The following HTR4 variants were observed in gnomAD, a reference collection of about 807,000 sequenced individuals.
HTR4 encodes 5-hydroxytryptamine receptor 4.
Under a neutral mutation model 36.8 loss-of-function variants are expected in HTR4, and 16 were observed. The ratio of observed to expected loss-of-function variants is 0.43; its 90% CI spans 0.29 to 0.66. The LOEUF is 0.66. Ranked by LOEUF, HTR4 falls within the 30% of genes least tolerant of loss-of-function variation. The pLI is 0.13. For missense variants in HTR4, 438 were observed against 490.9 expected, an observed-to-expected ratio of 0.89 and a Z score of 1.02; for synonymous variants, 189 against 185.1, an observed-to-expected ratio of 1.02 and a Z score of -0.17.
chr5:148,451,410 G>C, intron 5 of HTR4: 1 of 1,443,690 alleles, frequency 6.9e-7, no homozygotes, highest in South Asian at 1.3e-5. Context: ...TGGGGATGGG[G>C]TGATACTTCA....
At chr5:148,550,393 G>A (rs1049083715) in intron 2 of HTR4, 131 bp from the exon 3 acceptor site, 57 of 1,003,474 alleles carry the variant, frequency 5.7e-5, no homozygotes, top group East Asian at 3.1e-4. Flanking sequence ...TTTATCATGC[G>A]TTTAATGTAC....
At chr5:148,582,497 C>A (rs1761177097) in intron 2 of HTR4, among the ~76,000 whole-genome samples, 1 of 151,944 alleles carries the variant, frequency 6.6e-6, no homozygotes, top group South Asian at 2.1e-4. Context: ...GTGTCTATTG[C>A]CATCTTCATG....
chr5:148,458,648 G>A (rs186721351), intron 5 of HTR4, among the ~76,000 whole-genome samples: 29 of 152,248 alleles, frequency 1.9e-4, no homozygotes, highest in Non-Finnish European at 4.4e-5. Flanking sequence ...AGGGTGGGGA[G>A]GATGCAGGCA....
intron 2 of HTR4, among the ~76,000 whole-genome samples, chr5:148,630,890 G>T (rs527531723): frequency 3.9e-5 from 6 of 152,118 alleles, no homozygotes; most frequent in African/African-American, 1.4e-4. Context: ...CAGTAAATGG[G>T]AAAGTCAAGA....
chr5:148,622,032 G>C (rs1361174101), intron 2 of HTR4, among the ~76,000 whole-genome samples: 1 of 152,102 alleles, frequency 6.6e-6, no homozygotes, highest in Admixed American at 6.5e-5. Flanking sequence ...GCTTTGACCG[G>C]TATCCAAATG....
intron 2 of HTR4, among the ~76,000 whole-genome samples, chr5:148,576,219 C>A (rs1760913407): frequency 1.3e-5 from 2 of 148,964 alleles, no homozygotes; most frequent in African/African-American, 4.9e-5. Context: ...ATTTCATTCA[C>A]AATTGCCACA....
Position 148,548,612 on chromosome 5 carries a change from CCAT to C in HTR4, c.353+53_353+55del. The C allele has an allele frequency of 2.2e-6, 3 of 1,343,190 alleles. No homozygotes were observed. In the South Asian group the frequency reaches 3.8e-5, roughly 17 times the overall value. 83.2% of individuals were successfully genotyped at this position (1,343,190 alleles called of 1,614,324 possible). On this transcript the variant is annotated intron_variant, in intron 4 of 6. Coordinates refer to ENST00000377888, the MANE Select transcript of HTR4 (RefSeq NM_000870.7). ...AGAAAAGGCAGACACTGCCCAATATCCATCAAGTCATGTCTCCAGCATGGAGCT... is the reference window on the plus strand; with the variant it reads ...AGAAAAGGCAGACACTGCCCAATATCCAAGTCATGTCTCCAGCATGGAGCT...
chr5:148,462,999 A>T (rs1755318104), intron 5 of HTR4, among the ~76,000 whole-genome samples: 1 of 152,064 alleles, frequency 6.6e-6, no homozygotes, highest in Admixed American at 6.6e-5. Context: ...CTAAGACTAG[A>T]GGAGAACTTT....
intron 4 of HTR4, among the ~76,000 whole-genome samples, chr5:148,524,003 T>C (rs1203821716): frequency 6.6e-6 from 1 of 151,888 alleles, no homozygotes; most frequent in Non-Finnish European, 1.5e-5. Context: ...GTGTTTTTTT[T>C]TTTGAATTGT....
intron 5 of HTR4, among the ~76,000 whole-genome samples, chr5:148,469,377 A>T (rs1322207051): frequency 6.6e-6 from 1 of 152,178 alleles, no homozygotes. Context: ...CCTTGTGCAC[A>T]CTGTGCTTAA....
chr5:148,516,448 T>C (rs906275864), intron 5 of HTR4, among the ~76,000 whole-genome samples: 5 of 151,022 alleles, frequency 3.3e-5, no homozygotes, highest in Non-Finnish European at 5.9e-5. Flanking sequence ...GTCTCCTGAG[T>C]AGCTGGGATT....
At chr5:148,468,156 G>A (rs574152212) in intron 5 of HTR4, among the ~76,000 whole-genome samples, 1 of 152,304 alleles carries the variant, frequency 6.6e-6, no homozygotes, top group East Asian at 1.9e-4. Context: ...GATGTGACAG[G>A]CCAGGGATTG....
intron 5 of HTR4, chr5:148,465,812 G>A: frequency 6.3e-7 from 1 of 1,593,928 alleles, no homozygotes; most frequent in Non-Finnish European, 8.5e-7. Context: ...TAAATAGGCA[G>A]ACACAGACAG....
chr5:148,548,975 A>C (rs1181356667), intron 3 of HTR4, 107 bp from the exon 4 acceptor site: 4 of 771,488 alleles, frequency 5.2e-6, no homozygotes, highest in Admixed American at 2.3e-5. Context: ...ACAAAGAAAG[A>C]AGAAAAGAAG....
chr5:148,592,023 G>A (rs1761593326), intron 2 of HTR4, among the ~76,000 whole-genome samples: 1 of 152,142 alleles, frequency 6.6e-6, no homozygotes, highest in Non-Finnish European at 1.5e-5. Context: ...AGAAAATGTG[G>A]TACAGATACT....
chr5:148,643,032 T>G (rs1290152990), intron 1 of HTR4, among the ~76,000 whole-genome samples: 1 of 152,188 alleles, frequency 6.6e-6, no homozygotes, highest in African/African-American at 2.4e-5. Context: ...TCATTTGAAC[T>G]AAGTCATTTA....
chr5:148,474,044 G>A (rs1485193170), downstream of HTR4, among the ~76,000 whole-genome samples: 1 of 152,016 alleles, frequency 6.6e-6, no homozygotes, highest in East Asian at 1.9e-4. Flanking sequence ...GAGAGGAGAT[G>A]CAATAATAAG....
At chr5:148,521,141 T>C (rs1757994867) in intron 5 of HTR4, among the ~76,000 whole-genome samples, 1 of 152,232 alleles carries the variant, frequency 6.6e-6, no homozygotes, top group African/African-American at 2.4e-5. Flanking sequence ...TTATGGAATA[T>C]ATATCCCTGC....
chr5:148,499,292 A>G (rs1168407472), intron 6 of HTR4, among the ~76,000 whole-genome samples: 1 of 152,194 alleles, frequency 6.6e-6, no homozygotes, highest in African/African-American at 2.4e-5. Context: ...GTTAGGTTTC[A>G]TAATCATAAT....
Sources: gnomAD v4.1 joint callset for allele counts (sites outside exome capture counted in the v4.1 genomes callset) on GRCh38, gnomAD v4.1.1 for gene constraint, MANE v1.5 for transcripts, NCBI Gene and HGNC (gene_info 2026-07-23, HGNC 2026-07-21) for gene names.